PEX5L: variants seen among roughly 807,000 people sequenced by gnomAD.
PEX5L encodes the protein PEX5-related protein.
In PEX5L, 30 loss-of-function variants were observed where a neutral mutation model predicts 84.0. That is an observed-to-expected ratio of 0.36 (90% confidence interval 0.27 to 0.48). The LOEUF is 0.48. Among genes scored for constraint, PEX5L ranks in the 20% least tolerant of loss-of-function variants. PEX5L has a pLI of 0.99. For missense variants in PEX5L, 533 were observed against 754.6 expected, an observed-to-expected ratio of 0.71 and a Z score of 3.44; for synonymous variants, 270 against 283.1, an observed-to-expected ratio of 0.95 and a Z score of 0.46.
intron 7 of PEX5L, among the ~76,000 whole-genome samples, chr3:179,868,446 A>C (rs924595579): frequency 5.3e-5 from 8 of 152,104 alleles, no homozygotes; most frequent in African/African-American, 1.7e-4. Context: ...AATTTAGAAA[A>C]CATACCTGCA....
intron 2 of PEX5L, among the ~76,000 whole-genome samples, chr3:179,954,220 A>G (rs1218551647): frequency 6.7e-6 from 1 of 148,910 alleles, no homozygotes; most frequent in African/African-American, 2.5e-5. Context: ...GGGGGGAAAA[A>G]GTCAGCCATG....
At chr3:179,847,844 T>C (rs1740193638) in intron 8 of PEX5L, among the ~76,000 whole-genome samples, 1 of 152,048 alleles carries the variant, frequency 6.6e-6, no homozygotes, top group South Asian at 2.1e-4. Flanking sequence ...TGGGACTATC[T>C]GTATCACCAT....
At chr3:179,974,568 C>G (rs534901511) in intron 1 of PEX5L, among the ~76,000 whole-genome samples, 1 of 152,220 alleles carries the variant, frequency 6.6e-6, no homozygotes, top group African/African-American at 2.4e-5. Context: ...CCATAAGAAG[C>G]TTTCAGCTCA....
At chr3:179,916,908 G>A (rs1418461872) in intron 2 of PEX5L, among the ~76,000 whole-genome samples, 1 of 151,808 alleles carries the variant, frequency 6.6e-6, no homozygotes, top group East Asian at 1.9e-4. Flanking sequence ...GACCTCAGGT[G>A]ATCCACCCGC....
intron 8 of PEX5L, among the ~76,000 whole-genome samples, chr3:179,845,097 G>A (rs184362143): frequency 6.6e-6 from 1 of 152,210 alleles, no homozygotes; most frequent in African/African-American, 2.4e-5. Context: ...TATTTGCATA[G>A]CCACTTCATC....
rs1481941882 is a variant in PEX5L, at chr3:179,881,392, G to T, written c.311-1269C>A. ...TCTGATTCCAATTCCAAGTCACAGT[G>T]GTTGGATGTTGTTGGTGAAGTGGAA... On this transcript the variant is annotated intron_variant, in intron 4 of 14. Coordinates refer to ENST00000467460, the MANE Select transcript of PEX5L (RefSeq NM_016559.3). 4.6e-5 allele frequency: 7 copies of T among 152,168 alleles called. No individual in the cohort carries two copies. The East Asian group carries it at 1.2e-3, about 25-fold the overall frequency. The allele number at this position is 152,168 out of a possible 1,614,324, so 9.4% of individuals were successfully genotyped here.
At chr3:179,814,623 T>C (rs990247063) in intron 10 of PEX5L, among the ~76,000 whole-genome samples, 5 of 152,200 alleles carry the variant, frequency 3.3e-5, no homozygotes, top group Non-Finnish European at 7.4e-5. Context: ...AAGAAACCAT[T>C]ATATTGACAC....
intron 1 of PEX5L, among the ~76,000 whole-genome samples, chr3:180,001,711 T>C (rs191949482): frequency 3.9e-5 from 6 of 152,314 alleles, no homozygotes; most frequent in Non-Finnish European, 7.4e-5. Flanking sequence ...TATACACATA[T>C]GCAACTTGAC....
At chr3:179,811,740 A>C in intron 11 of PEX5L, 61 bp downstream of exon 11, 1 of 1,208,510 alleles carries the variant, frequency 8.3e-7, no homozygotes. Flanking sequence ...ACAAATCTGA[A>C]ACAGGAAGTT....
intron 2 of PEX5L, among the ~76,000 whole-genome samples, chr3:179,909,318 T>C (rs1218621339): frequency 6.6e-6 from 1 of 152,006 alleles, no homozygotes; most frequent in East Asian, 1.9e-4. Flanking sequence ...GAAAAATAGA[T>C]GTGAAAAGAG....
At chr3:180,023,977 G>A (rs1790669280) in intron 1 of PEX5L, among the ~76,000 whole-genome samples, 1 of 152,106 alleles carries the variant, frequency 6.6e-6, no homozygotes, top group Admixed American at 6.6e-5. Context: ...GCACTATTCA[G>A]GTCTGAAATC....
chr3:179,820,101 C>T (rs886774771), intron 8 of PEX5L, 125 bp from the exon 9 acceptor site: 22 of 1,371,116 alleles, frequency 1.6e-5, no homozygotes, highest in Non-Finnish European at 1.9e-5. Flanking sequence ...TGACATCCAA[C>T]TGATAGGCGT....
chr3:179,860,998 C>T (rs115924838), intron 7 of PEX5L, among the ~76,000 whole-genome samples: 1,817 of 152,260 alleles, frequency 0.012, 45 homozygotes, highest in African/African-American at 0.041. Context: ...GAGTCAACAA[C>T]GAAGCCCTAA....
chr3:179,906,165 A>G (rs1763135195), intron 2 of PEX5L, among the ~76,000 whole-genome samples: 1 of 152,220 alleles, frequency 6.6e-6, no homozygotes, highest in Non-Finnish European at 1.5e-5. Context: ...TTGTCCACAA[A>G]CAATTTACCA....
At chr3:179,971,448 C>T (rs1579145264) in intron 2 of PEX5L, 146 bp downstream of exon 2, 8 of 1,174,602 alleles carry the variant, frequency 6.8e-6, no homozygotes, top group Middle Eastern at 4.2e-4. Flanking sequence ...TCATATGGAG[C>T]GGCTTAGCTG....
At chr3:179,916,586 T>G (rs1212423245) in intron 2 of PEX5L, among the ~76,000 whole-genome samples, 1 of 152,168 alleles carries the variant, frequency 6.6e-6, no homozygotes, top group Non-Finnish European at 1.5e-5. Flanking sequence ...GCACTAAATT[T>G]ATACAAAAAA....
intron 2 of PEX5L, among the ~76,000 whole-genome samples, chr3:179,905,489 G>A (rs2109094573): frequency 1.3e-5 from 2 of 152,238 alleles, no homozygotes; most frequent in East Asian, 1.9e-4. Flanking sequence ...TAGCCAGGAT[G>A]GTCTCGTGAT....
At chr3:180,026,362 G>A (rs1790958362) in intron 1 of PEX5L, among the ~76,000 whole-genome samples, 1 of 151,956 alleles carries the variant, frequency 6.6e-6, no homozygotes. Flanking sequence ...TTATATAAGA[G>A]ACTGTATATC....
In PEX5L at chr3:179,797,604, AAATATATATAT is replaced by A. The variant is rs1374903620; in HGVS notation, c.*4213_*4223del. ...GAACACTCTTTAAAAAAAAAAAAAA[AAATATATATAT>A]ATATATATATATATATCTACTTCTT... On this transcript the variant is annotated 3_prime_UTR_variant, in exon 15 of 15. Coordinates refer to ENST00000467460, the MANE Select transcript of PEX5L (RefSeq NM_016559.3). 1.2e-4 allele frequency: 11 copies of A among 93,298 alleles called. No individual in the cohort carries two copies. Among genetic ancestry groups the A allele is most frequent in the African/African-American group, 3.0e-4 (7 of 23,362 alleles). The allele number at this position is 93,298 out of a possible 1,614,324, so 5.8% of individuals were successfully genotyped here. A position where few individuals can be genotyped will look rare whatever the true frequency, so the allele number is the denominator to read the frequency against.
Sources: allele counts gnomAD v4.1 joint callset (sites outside exome capture counted in the v4.1 genomes callset), GRCh38; gene constraint gnomAD v4.1.1; transcripts MANE v1.5; gene names NCBI Gene and HGNC (gene_info 2026-07-23, HGNC 2026-07-21).